Variants in SLC26A4 observed in about 807,000 individuals in gnomAD.
SLC26A4 encodes solute carrier family 26 member 4, also known as pendrin.
A neutral mutation model predicts 90.4 loss-of-function variants in SLC26A4; 93 were observed. That is an observed-to-expected ratio of 1.03 (90% CI 0.87 to 1.22). The LOEUF is 1.22. Among genes scored for constraint, SLC26A4 ranks in the 50% most tolerant of loss-of-function variants. The pLI, the probability that SLC26A4 is intolerant of heterozygous loss-of-function variation, is 0.00. For missense variants in SLC26A4, 1,127 were observed against 946.2 expected, an observed-to-expected ratio of 1.19 and a Z score of -2.51; for synonymous variants, 393 against 354.6, an observed-to-expected ratio of 1.11 and a Z score of -1.22.
chr7:107,687,255 GGA>G lies in SLC26A4; in HGVS notation c.1002-1794_1002-1793del, dbSNP rs1156499858. ...AACAGGCCCACTGAGCAAAAAATTT[GGA>G]GAGTTATATCCACAGAAGGAGGGCA... is the stretch of plus-strand genomic sequence containing the variant. On this transcript the variant is annotated intron_variant, in intron 8 of 20. Coordinates refer to ENST00000644269, the MANE Select transcript of SLC26A4 (RefSeq NM_000441.2). Among the ~76,000 whole-genome samples the G allele has an allele frequency of 2.6e-5, 4 of 152,158 alleles. No homozygotes were observed. The East Asian group carries it at 7.7e-4, about 29-fold the overall frequency.
intron 6 of SLC26A4, among the ~76,000 whole-genome samples, chr7:107,678,682 T>A (rs1791089801): frequency 6.6e-6 from 1 of 151,874 alleles, no homozygotes; most frequent in Admixed American, 6.6e-5. Context: ...CCACCCAAGT[T>A]GGAAAAGGTA....
At position 107,693,133 on chromosome 7, in the gene SLC26A4, A is replaced by G. The variant is rs78632887; in HGVS notation, c.1264-1270A>G. On this transcript the variant is annotated intron_variant, in intron 10 of 20. Transcript: ENST00000644269. ...GGGAAGGAAAGAAAGAAGAAAATGG[A>G]AGGAAGGACAAGGGAGAGGAAGGGA... 2.8e-4 allele frequency: 55 copies of G among 194,434 alleles called. No homozygotes were observed. In the East Asian group the frequency reaches 0.01, roughly 36 times the overall value. The allele number at this position is 194,434 out of a possible 1,614,324, so 12.0% of individuals were successfully genotyped here.
Position 107,661,757 on chromosome 7 carries a change from G to T in SLC26A4, c.116G>T (p.Arg39Leu). Residue 39 changes from arginine to leucine, a missense_variant, in exon 2 of 21, where the codon CGC becomes CTC. Arg to Leu is a moderately radical substitution (Grantham distance 102, BLOSUM62 -2). Coordinates refer to ENST00000644269, the MANE Select transcript of SLC26A4 (RefSeq NM_000441.2). The surrounding 1 kb of genome is among the most constrained non-coding windows in gnomAD (Gnocchi z 5.1). ...GCTTTCCAGCAACAGCACGAGCGGC[G>T]CCTGCAGGAGCGCAAGACGCTGCGG... is the stretch of plus-strand genomic sequence containing the variant. ...ELAFQQQHERRLQERKTLRES... is the reference protein window; with the variant it reads ...ELAFQQQHERLLQERKTLRES... The T allele has an allele frequency of 6.5e-7, 1 of 1,544,620 alleles. No individual in the cohort carries two copies.
rs148628501 is a variant in SLC26A4 at position 107,701,893 on chromosome 7, C to A, written c.1870C>A (p.Leu624Met). 1 of 1,613,394 alleles carries A rather than the reference C, an allele frequency of 6.2e-7. No individual in the cohort carries two copies. Among genetic ancestry groups the A allele is most frequent in the South Asian group, 1.1e-5 (1 of 91,066 alleles). ...TGAGCCTGATGAGGATATTGAAGAT[C>A]TGGAGGAACTTGATATCCCAACCAA... ...AFEPDEDIED[L>M]EELDIPTKEI... The change falls in exon 17 of 21, where the codon CTG becomes ATG. Residue 624 changes from leucine (L) to methionine (M), a missense_variant. Transcript: ENST00000644269.
At chr7:107,704,555 A>G (rs1791989132) in intron 18 of SLC26A4, among the ~76,000 whole-genome samples, 170 bp downstream of exon 18, 1 of 152,114 alleles carries the variant, frequency 6.6e-6, no homozygotes, top group Non-Finnish European at 1.5e-5. Flanking sequence ...TCCATAAAAC[A>G]GAATAAGTGT....
At chr7:107,686,407 T>TTC (rs1485243272) in intron 8 of SLC26A4, among the ~76,000 whole-genome samples, 12 of 40,494 alleles carry the variant, frequency 3.0e-4, no homozygotes, top group South Asian at 1.6e-3. Flanking sequence ...TCTCTCTTTT[T>TTC]TCTTTCTTTC....
Position 107,704,387 on chromosome 7 carries a change from TA to T in SLC26A4, c.2089+5del. ...ATGTGTATTTTGCATCACTTCAAGG[TA>T]AATACATATATCTACATATCTACCT... On this transcript the variant is annotated splice_donor_region_variant and intron_variant, in intron 18 of 20. Transcript: ENST00000644269. The T allele has an allele frequency of 8.2e-7, 1 of 1,216,256 alleles. No homozygotes were observed. The highest frequency in any genetic ancestry group is 1.2e-6 in the Non-Finnish European group (1 of 822,094). 75.3% of individuals were successfully genotyped at this position (1,216,256 alleles called of 1,614,324 possible). A position where few individuals can be genotyped will look rare whatever the true frequency, so the allele number is the denominator to read the frequency against.
At chr7:107,691,514 TACACACACACACACAC>T (rs113976786) in intron 10 of SLC26A4, among the ~76,000 whole-genome samples, 1 of 130,978 alleles carries the variant, frequency 7.6e-6, no homozygotes, top group Non-Finnish European at 1.6e-5. Flanking sequence ...AATATATATA[TACACACACACACACAC>T]ACACACACAC....
intron 5 of SLC26A4, among the ~76,000 whole-genome samples, 177 bp from the exon 6 acceptor site, chr7:107,674,768 G>A (rs1790975930): frequency 1.3e-5 from 2 of 152,182 alleles, no homozygotes; most frequent in Non-Finnish European, 2.9e-5. Flanking sequence ...TTTTAGAGTG[G>A]TGGAGGAAGG....
chr7:107,702,891 A>C (rs1791936351), intron 17 of SLC26A4, among the ~76,000 whole-genome samples: 2 of 152,166 alleles, frequency 1.3e-5, no homozygotes, highest in African/African-American at 2.4e-5. Flanking sequence ...AGGACTGGAA[A>C]AGCCAGGCAT....
Position 107,698,104 on chromosome 7 carries a change from A to T in SLC26A4, c.1607A>T (p.Tyr536Phe), listed in dbSNP as rs1791789966. 6.2e-7 allele frequency: 1 copy of T among 1,602,120 alleles called. No homozygotes were observed. The highest frequency in any genetic ancestry group is 8.6e-7 in the Non-Finnish European group (1 of 1,169,302). Residue 536 changes from tyrosine (Y) to phenylalanine (F), a missense_variant, in exon 14 of 21, where the codon TAC becomes TTC. Physicochemically the swap from Tyr to Phe is conservative, Grantham distance 22. Coordinates refer to ENST00000644269, the MANE Select transcript of SLC26A4 (RefSeq NM_000441.2). ...STDIYKSTKN[Y>F]KNIEEPQGVK... The stretch of plus-strand genomic sequence containing the variant: ...GATATCTACAAAAGTACCAAGAATT[A>T]CAAAAACGTAAGTACCTTTGTGAGA...
In SLC26A4 at chr7:107,699,054, T is replaced by C. The variant is rs115186529; in HGVS notation, c.1614+943T>C. Among the ~76,000 whole-genome samples the C allele has an allele frequency of 8.6e-3, 1,308 of 152,302 alleles. 14 individuals are homozygous for C. Among genetic ancestry groups the C allele is most frequent in the African/African-American group, 0.029 (1,217 of 41,570 alleles). On this transcript the variant is annotated intron_variant, in intron 14 of 20. Coordinates refer to ENST00000644269, the MANE Select transcript of SLC26A4 (RefSeq NM_000441.2). ...CTTAACATTAAAAAAAGTTGGACCT[T>C]GAAACTGGGATTTCAGTAGCTGCTA...
chr7:107,693,246 A>G lies in SLC26A4; in HGVS notation c.1264-1157A>G, dbSNP rs577040023. 1.8e-5 allele frequency: 17 copies of G among 955,990 alleles called. No homozygotes were observed. The African/African-American group carries it at 2.8e-4, about 16-fold the overall frequency. 59.2% of individuals were successfully genotyped at this position (955,990 alleles called of 1,614,324 possible). On this transcript the variant is annotated intron_variant, in intron 10 of 20. Coordinates refer to ENST00000644269, the MANE Select transcript of SLC26A4 (RefSeq NM_000441.2). Reference sequence around the variant, plus strand: ...AGGAGAAGGGAAAGAGCACCAGGGTACTGGGAATCTAGGATGGGGATAGGA... The same window carrying G: ...AGGAGAAGGGAAAGAGCACCAGGGTGCTGGGAATCTAGGATGGGGATAGGA...
rs201689637 is a variant in SLC26A4, at chr7:107,702,031, G to A, written c.2008G>A (p.Val670Ile). 8.0e-5 allele frequency: 129 copies of A among 1,613,128 alleles called. No individual in the cohort carries two copies. Among genetic ancestry groups the A allele is most frequent in the East Asian group, 1.1e-4 (5 of 44,878 alleles). Residue 670 changes from valine to isoleucine, a missense_variant, in exon 17 of 21, where the codon GTT becomes ATT. Val to Ile is a conservative substitution (Grantham distance 29, BLOSUM62 3). Coordinates refer to ENST00000644269, the MANE Select transcript of SLC26A4 (RefSeq NM_000441.2). ...LDCGAISFLD[V>I]VGVRSLRVIV... is the part of the protein sequence containing the mutation. Reference sequence around the variant, plus strand: ...CTGTGGAGCTATATCTTTCCTGGACGTTGTTGGAGTGAGATCACTGCGGGT... The same window carrying A: ...CTGTGGAGCTATATCTTTCCTGGACATTGTTGGAGTGAGATCACTGCGGGT...
intron 18 of SLC26A4, among the ~76,000 whole-genome samples, chr7:107,704,979 T>C (rs576824093): frequency 2.5e-4 from 38 of 152,326 alleles, no homozygotes; most frequent in Admixed American, 4.6e-4. Flanking sequence ...GCCTTTTATT[T>C]TTATTTTTTA....
intron 4 of SLC26A4, 28 bp downstream of exon 4, chr7:107,672,276 A>G: frequency 7.0e-7 from 1 of 1,418,908 alleles, no homozygotes. Context: ...TTACAATTAT[A>G]TTTGCTCATG....
chr7:107,712,455 A>G (rs1792217306), intron 19 of SLC26A4, 84 bp from the exon 20 acceptor site: 1 of 780,236 alleles, frequency 1.3e-6, no homozygotes, highest in African/African-American at 1.7e-5. Flanking sequence ...GATGAGAAGC[A>G]CCAGGAAAGC....
At chr7:107,673,589 A>T (rs1790932150) in intron 4 of SLC26A4, among the ~76,000 whole-genome samples, 1 of 152,164 alleles carries the variant, frequency 6.6e-6, no homozygotes, top group South Asian at 2.1e-4. Context: ...ACCCATACAC[A>T]TGAGGATCAC....
intron 3 of SLC26A4, among the ~76,000 whole-genome samples, chr7:107,665,496 C>T (rs1383642525): frequency 6.6e-6 from 1 of 152,150 alleles, no homozygotes. Context: ...GGACAGGAAC[C>T]ATGCCTCATT....
Sources: allele counts gnomAD v4.1 joint callset (sites outside exome capture counted in the v4.1 genomes callset), GRCh38; gene constraint gnomAD v4.1.1; non-coding constraint Gnocchi (gnomAD v3.1); transcripts MANE v1.5; gene names NCBI Gene and HGNC (gene_info 2026-07-23, HGNC 2026-07-21).